Variants in HIBADH observed in about 807,000 individuals in gnomAD.
The protein encoded by HIBADH is 3-hydroxyisobutyrate dehydrogenase.
HIBADH carries 25 observed loss-of-function variants against 36.1 expected under a neutral mutation model. The observed-to-expected ratio is 0.69, with a 90% CI of 0.50 to 0.97. HIBADH has a LOEUF of 0.97. Ranked by LOEUF, HIBADH falls within the 50% of genes least tolerant of loss-of-function variation. The pLI, the probability that HIBADH is intolerant of heterozygous loss-of-function variation, is 0.00. For missense variants in HIBADH, 421 were observed against 418.0 expected (o/e 1.01, Z -0.06); for synonymous variants, 160 against 149.5 (o/e 1.07, Z -0.51).
chr7:27,526,248 A>G lies in HIBADH; in HGVS notation c.977T>C (p.Val326Ala). The G allele has an allele frequency of 1.9e-6, 3 of 1,612,382 alleles. No individual in the cohort carries two copies. The highest frequency in any genetic ancestry group is 1.7e-4 in the Middle Eastern group (1 of 6,044). Residue 326 changes from valine (V) to alanine (A), a missense_variant, in exon 8 of 8, where the codon GTG becomes GCG. Coordinates refer to ENST00000265395, the MANE Select transcript of HIBADH (RefSeq NM_152740.4). ...KGYSKKDFSSVFQFLREEETF is the reference protein window; with the variant it reads ...KGYSKKDFSSAFQFLREEETF ...CTCCTCCTCTCGTAGGAACTGGAACACGGATGAGAAGTCTTTCTTTGAGTA... is the reference window on the plus strand; with the variant it reads ...CTCCTCCTCTCGTAGGAACTGGAACGCGGATGAGAAGTCTTTCTTTGAGTA...
intron 4 of HIBADH, among the ~76,000 whole-genome samples, chr7:27,582,696 A>G (rs1160164267): frequency 1.3e-5 from 2 of 152,160 alleles, no homozygotes; most frequent in Non-Finnish European, 2.9e-5. Context: ...CCCCACCTCA[A>G]AATCAATCTG....
intron 4 of HIBADH, among the ~76,000 whole-genome samples, chr7:27,569,318 T>A (rs564409141): frequency 5.8e-4 from 89 of 152,334 alleles, no homozygotes; most frequent in Non-Finnish European, 7.3e-5. Context: ...TGGTATCTTG[T>A]CTCTTCCCTT....
chr7:27,565,175 C>T (rs1235455804), intron 4 of HIBADH, among the ~76,000 whole-genome samples: 1 of 152,124 alleles, frequency 6.6e-6, no homozygotes, highest in African/African-American at 2.4e-5. Flanking sequence ...AGAGATAGCC[C>T]CTACACCCCA....
chr7:27,662,664 G>A (rs1786447993), intron 1 of HIBADH, 34 bp downstream of exon 1: 2 of 1,238,732 alleles, frequency 1.6e-6, no homozygotes, highest in Non-Finnish European at 2.1e-6. Flanking sequence ...GCGGCCGAAA[G>A]AAGGACAAGG....
chr7:27,612,441 G>A (rs1418700042), intron 4 of HIBADH, among the ~76,000 whole-genome samples: 1 of 150,764 alleles, frequency 6.6e-6, no homozygotes, highest in Non-Finnish European at 1.5e-5. Flanking sequence ...TTCTCCTGCT[G>A]CTGCCTCCCA....
intron 6 of HIBADH, among the ~76,000 whole-genome samples, chr7:27,537,770 C>A (rs1050839531): frequency 4.6e-5 from 7 of 152,032 alleles, no homozygotes; most frequent in Non-Finnish European, 5.9e-5. Flanking sequence ...AAGATACATA[C>A]GAATGCAAAG....
At chr7:27,617,741 T>C (rs1272073651) in intron 4 of HIBADH, among the ~76,000 whole-genome samples, 1 of 152,184 alleles carries the variant, frequency 6.6e-6, no homozygotes, top group Non-Finnish European at 1.5e-5. Flanking sequence ...TGTTGCGATA[T>C]GAACCACAAG....
chr7:27,620,510 C>CG (rs979437732), intron 4 of HIBADH, among the ~76,000 whole-genome samples: 4 of 144,922 alleles, frequency 2.8e-5, no homozygotes, highest in African/African-American at 1.0e-4. Context: ...CAAAACAAAA[C>CG]AAAAAAAAAA....
intron 5 of HIBADH, chr7:27,541,621 C>A: frequency 3.1e-6 from 1 of 319,830 alleles, no homozygotes; most frequent in Non-Finnish European, 6.0e-6. Context: ...AGACCTCAAT[C>A]CATGGTATGT....
intron 4 of HIBADH, among the ~76,000 whole-genome samples, chr7:27,555,059 T>C (rs1322352545): frequency 6.6e-6 from 1 of 152,144 alleles, no homozygotes; most frequent in African/African-American, 2.4e-5. Flanking sequence ...ACTGCTTGTA[T>C]AGAGTTTGAA....
At chr7:27,624,417 C>A (rs1785603253) in intron 4 of HIBADH, among the ~76,000 whole-genome samples, 1 of 152,164 alleles carries the variant, frequency 6.6e-6, no homozygotes, top group Admixed American at 6.5e-5. Context: ...ACAGGTAGCA[C>A]ACTGATAATA....
intron 4 of HIBADH, among the ~76,000 whole-genome samples, chr7:27,564,829 A>G (rs1784521417): frequency 6.6e-6 from 1 of 152,194 alleles, no homozygotes; most frequent in African/African-American, 2.4e-5. Context: ...TAGTTTTCAC[A>G]TGTTCTGCAC....
At chr7:27,558,199 ACT>A (rs1470541125) in intron 4 of HIBADH, among the ~76,000 whole-genome samples, 1 of 151,134 alleles carries the variant, frequency 6.6e-6, no homozygotes, top group Non-Finnish European at 1.5e-5. Context: ...TTATTCAATG[ACT>A]CTATTTTTCT....
At chr7:27,612,260 A>G (rs968834729) in intron 4 of HIBADH, among the ~76,000 whole-genome samples, 15 of 152,152 alleles carry the variant, frequency 9.9e-5, no homozygotes, top group African/African-American at 3.4e-4. Context: ...AGTACAAGAT[A>G]TTTTGTTGAA....
intron 4 of HIBADH, among the ~76,000 whole-genome samples, chr7:27,574,483 T>C (rs921439148): frequency 6.6e-6 from 1 of 152,036 alleles, no homozygotes; most frequent in Admixed American, 6.5e-5. Flanking sequence ...GGAAAGTACA[T>C]TCCAAACTCC....
Position 27,623,681 on chromosome 7 carries a change from T to C in HIBADH, c.484+5690A>G, listed in dbSNP as rs577639589. Among the ~76,000 whole-genome samples the C allele has an allele frequency of 1.6e-4, 25 of 152,262 alleles. 1 individual carries two copies. The highest frequency in any genetic ancestry group is 5.8e-4 in the African/African-American group (24 of 41,548). The stretch of plus-strand genomic sequence containing the variant: ...TATGAAAAATAAAAGTATCTAAGAA[T>C]AAATTTAACAAGGTGAAAGATCTCT... On this transcript the variant is annotated intron_variant, in intron 4 of 7. Transcript: ENST00000265395.
At chr7:27,601,733 T>C (rs191150816) in intron 4 of HIBADH, among the ~76,000 whole-genome samples, 2 of 152,262 alleles carry the variant, frequency 1.3e-5, no homozygotes, top group Admixed American at 1.3e-4. Context: ...CTATGAAGGA[T>C]ATTATGTTAG....
chr7:27,635,489 G>A (rs1337963725), intron 2 of HIBADH, among the ~76,000 whole-genome samples: 1 of 152,178 alleles, frequency 6.6e-6, no homozygotes, highest in African/African-American at 2.4e-5. Context: ...AACATCTCCA[G>A]CTTCAGTTTC....
chr7:27,595,181 T>A (rs992389224), intron 4 of HIBADH, among the ~76,000 whole-genome samples: 1 of 151,776 alleles, frequency 6.6e-6, no homozygotes, highest in African/African-American at 2.4e-5. Context: ...CAGAAAATAT[T>A]TGCAACATTT....
Sources: allele counts gnomAD v4.1 joint callset (sites outside exome capture counted in the v4.1 genomes callset), GRCh38; gene constraint gnomAD v4.1.1; transcripts MANE v1.5; gene names NCBI Gene and HGNC (gene_info 2026-07-23, HGNC 2026-07-21).